FHIP1A: variants seen among roughly 807,000 people sequenced by gnomAD.
FHIP1A encodes FHF complex subunit HOOK-interacting protein 1A.
FHIP1A carries 61 observed loss-of-function variants against 88.6 expected under a neutral mutation model. The observed-to-expected ratio is 0.69, with a 90% CI of 0.56 to 0.85. The LOEUF (loss-of-function observed/expected upper bound fraction) is 0.85. Ranked by LOEUF, FHIP1A falls within the 40% of genes least tolerant of loss-of-function variation. The pLI, the probability that FHIP1A is intolerant of heterozygous loss-of-function variation, is 0.00. For missense variants in FHIP1A, 1,154 were observed against 1,273.5 expected, an observed-to-expected ratio of 0.91 and a Z score of 1.43; for synonymous variants, 478 against 496.0, an observed-to-expected ratio of 0.96 and a Z score of 0.48.
At chr4:151,475,742 T>A (rs1244847461) in intron 2 of FHIP1A, among the ~76,000 whole-genome samples, 7 of 152,116 alleles carry the variant, frequency 4.6e-5, no homozygotes, top group Non-Finnish European at 1.5e-5. Flanking sequence ...TAAAACACTG[T>A]AACAGTTGAG....
At chr4:151,495,507 A>G (rs1284031511) in intron 3 of FHIP1A, among the ~76,000 whole-genome samples, 1 of 151,730 alleles carries the variant, frequency 6.6e-6, no homozygotes, top group Non-Finnish European at 1.5e-5. Flanking sequence ...TTCAAAAAAA[A>G]AAGAAAGTAA....
chr4:151,511,123 C>G (rs550184921), intron 3 of FHIP1A, among the ~76,000 whole-genome samples: 13 of 152,274 alleles, frequency 8.5e-5, no homozygotes, highest in African/African-American at 2.9e-4. Flanking sequence ...GCTGCTCCAA[C>G]TAGACAGAGA....
intron 1 of FHIP1A, among the ~76,000 whole-genome samples, chr4:151,441,938 G>A (rs146262876): frequency 1.4e-3 from 207 of 152,210 alleles, no homozygotes; most frequent in Admixed American, 2.3e-3. Flanking sequence ...AATCTTGAAC[G>A]ATTTGTTCTC....
chr4:151,544,546 A>T (rs1732413284), intron 3 of FHIP1A, among the ~76,000 whole-genome samples: 1 of 151,978 alleles, frequency 6.6e-6, no homozygotes, highest in South Asian at 2.1e-4. Flanking sequence ...AACTGGAGGG[A>T]GTGTGAAGAT....
chr4:151,462,931 G>T (rs1048807640), intron 2 of FHIP1A, among the ~76,000 whole-genome samples: 2 of 152,142 alleles, frequency 1.3e-5, no homozygotes, highest in Non-Finnish European at 2.9e-5. Flanking sequence ...GTTTTCAAGG[G>T]TAGTTTTACT....
At chr4:151,569,836 C>A (rs1055282368) in intron 4 of FHIP1A, among the ~76,000 whole-genome samples, 2 of 152,094 alleles carry the variant, frequency 1.3e-5, no homozygotes, top group Non-Finnish European at 2.9e-5. Flanking sequence ...GGGGAGAGAC[C>A]TTAAATGGCC....
At chr4:151,493,796 G>T (rs1560729883) in intron 3 of FHIP1A, among the ~76,000 whole-genome samples, 1 of 152,078 alleles carries the variant, frequency 6.6e-6, no homozygotes, top group East Asian at 1.9e-4. Flanking sequence ...AAAATCCTTA[G>T]CAAAATCAAC....
At position 151,633,458 on chromosome 4, in the gene FHIP1A, A is replaced by ATG. The variant is rs1736231448; in HGVS notation, c.1146+3590_1146+3591dup. Among the ~76,000 whole-genome samples, 3 of 152,102 alleles carry ATG rather than the reference A, an allele frequency of 2.0e-5. No individual in the cohort carries two copies. In the South Asian group the frequency reaches 6.2e-4, roughly 32 times the overall value. ...CCAGGAACATTTTCAAACTAATTTT[A>ATG]TGAGGCCAGTGTTGCCCTAATACCA... On this transcript the variant is annotated intron_variant, in intron 8 of 13. Coordinates refer to ENST00000435205, the MANE Select transcript of FHIP1A (RefSeq NM_001109977.3).
intron 4 of FHIP1A, among the ~76,000 whole-genome samples, chr4:151,574,590 C>T (rs1013238021): frequency 2.0e-5 from 3 of 151,902 alleles, no homozygotes; most frequent in African/African-American, 7.3e-5. Flanking sequence ...CTTAAGAGAT[C>T]TCTAATTGTT....
rs944048192 is a variant in FHIP1A, at chr4:151,663,010, T to C, written c.*256T>C. 12 of 354,390 alleles carry C rather than the reference T, an allele frequency of 3.4e-5. No individual in the cohort carries two copies. Among genetic ancestry groups the C allele is most frequent in the Non-Finnish European group, 6.0e-5 (12 of 200,294 alleles). 22.0% of individuals were successfully genotyped at this position (354,390 alleles called of 1,614,324 possible). ...TTTTCTTTGCTCTGTTTTTCCTCCTTATATTTTTTTGGTTGTCATTCTCCT... is the reference window on the plus strand; with the variant it reads ...TTTTCTTTGCTCTGTTTTTCCTCCTCATATTTTTTTGGTTGTCATTCTCCT... On this transcript the variant is annotated 3_prime_UTR_variant, in exon 14 of 14. Coordinates refer to ENST00000435205, the MANE Select transcript of FHIP1A (RefSeq NM_001109977.3).
chr4:151,586,222 G>T (rs1418782322), intron 5 of FHIP1A, among the ~76,000 whole-genome samples: 1 of 152,084 alleles, frequency 6.6e-6, no homozygotes, highest in Non-Finnish European at 1.5e-5. Context: ...CTAGACTGGG[G>T]TATGTGCCTT....
Position 151,650,065 on chromosome 4 carries a change from A to T in FHIP1A, c.2024A>T (p.Gln675Leu). The T allele has an allele frequency of 6.4e-7, 1 of 1,551,696 alleles. No homozygotes were observed. The change falls in exon 11 of 14, where the codon CAG becomes CTG. Residue 675 changes from glutamine to leucine, a missense_variant. Transcript: ENST00000435205. ...RPPAEAQAEV[Q>L]SVPINNGPLL... ...CCAGCTGAAGCCCAGGCTGAAGTTC[A>T]GAGTGTCCCCATCAACAACGGCCCC...
chr4:151,560,438 A>G (rs1411375757), intron 3 of FHIP1A, among the ~76,000 whole-genome samples: 1 of 152,122 alleles, frequency 6.6e-6, no homozygotes. Context: ...TTCCAGGAAC[A>G]TTTTTTGAAT....
In FHIP1A at chr4:151,566,312, A is replaced by G. The variant is rs887651475; in HGVS notation, c.53A>G (p.Gln18Arg). ...ESKLQQAVSLQGVDPETCMIV... is the reference protein window; with the variant it reads ...ESKLQQAVSLRGVDPETCMIV... ...AAACTCCAGCAGGCTGTGAGCCTACAGGGAGTTGACCCAGAAACATGCATG... is the reference window on the plus strand; with the variant it reads ...AAACTCCAGCAGGCTGTGAGCCTACGGGGAGTTGACCCAGAAACATGCATG... The change falls in exon 4 of 14, where the codon CAG (glutamine) becomes CGG (arginine). Residue 18 changes from glutamine to arginine, a missense_variant. Coordinates refer to ENST00000435205, the MANE Select transcript of FHIP1A (RefSeq NM_001109977.3). The G allele has an allele frequency of 2.6e-6, 4 of 1,551,034 alleles. No individual in the cohort carries two copies. Among genetic ancestry groups the G allele is most frequent in the East Asian group, 2.4e-5 (1 of 40,886 alleles).
In FHIP1A at chr4:151,663,053, T is replaced by G; in HGVS notation, c.*299T>G. 1 of 247,356 alleles carries G rather than the reference T, an allele frequency of 4.0e-6. No individual in the cohort carries two copies. The highest frequency in any genetic ancestry group is 7.7e-6 in the Non-Finnish European group (1 of 130,530). The allele number at this position is 247,356 out of a possible 1,614,324, so 15.3% of individuals were successfully genotyped here. A position where few individuals can be genotyped will look rare whatever the true frequency, so the allele number is the denominator to read the frequency against. On this transcript the variant is annotated 3_prime_UTR_variant, in exon 14 of 14. Transcript: ENST00000435205. Reference sequence around the variant, plus strand: ...ATTCTCCTATCCCTTTGAGTTACTCTTCTTGCAGCTCAGATCACGTCAAGC... The same window carrying G: ...ATTCTCCTATCCCTTTGAGTTACTCGTCTTGCAGCTCAGATCACGTCAAGC...
chr4:151,646,131 T>C (rs1341561191), intron 9 of FHIP1A, among the ~76,000 whole-genome samples: 3 of 152,148 alleles, frequency 2.0e-5, no homozygotes, highest in Non-Finnish European at 4.4e-5. Flanking sequence ...TACAAGATAA[T>C]ATTGCTTAAT....
chr4:151,588,504 G>C (rs1208917478), intron 6 of FHIP1A, among the ~76,000 whole-genome samples: 1 of 152,076 alleles, frequency 6.6e-6, no homozygotes, highest in East Asian at 1.9e-4. Flanking sequence ...TAACAAACTG[G>C]ATATGTTTAA....
chr4:151,511,400 G>T (rs1425148736), intron 3 of FHIP1A, among the ~76,000 whole-genome samples: 1 of 152,226 alleles, frequency 6.6e-6, no homozygotes, highest in Non-Finnish European at 1.5e-5. Context: ...GAGGTACCGG[G>T]TTCATCTCAC....
At chr4:151,567,324 A>G (rs1356763364) in intron 4 of FHIP1A, among the ~76,000 whole-genome samples, 1 of 152,082 alleles carries the variant, frequency 6.6e-6, no homozygotes, top group East Asian at 1.9e-4. Flanking sequence ...TGGTTAAAGC[A>G]CTGAGCCTGT....
Sources: allele counts gnomAD v4.1 joint callset (sites outside exome capture counted in the v4.1 genomes callset), GRCh38; gene constraint gnomAD v4.1.1; transcripts MANE v1.5; gene names NCBI Gene and HGNC (gene_info 2026-07-23, HGNC 2026-07-21).